The following TYW1B variants were observed in gnomAD, a reference collection of about 807,000 sequenced individuals.
TYW1B encodes the protein tRNA-yW synthesizing protein 1 homolog B.
A neutral mutation model predicts 86.9 loss-of-function variants in TYW1B; 73 were observed. The ratio of observed to expected loss-of-function variants is 0.84; its 90% CI spans 0.70 to 1.02. The LOEUF is 1.02. TYW1B is among the 50% of genes least tolerant of loss of function. The probability of loss-of-function intolerance (pLI) is 0.00; values close to 1 mark genes in which losing one functional copy is unlikely to be tolerated. For missense variants in TYW1B, 637 were observed against 827.4 expected (o/e 0.77, Z 2.82); for synonymous variants, 248 against 292.8 (o/e 0.85, Z 1.56).
intron 11 of TYW1B, among the ~76,000 whole-genome samples, chr7:72,639,865 C>CAAAA (rs34283765): frequency 9.1e-6 from 1 of 109,298 alleles, no homozygotes. Flanking sequence ...GACTCCATCT[C>CAAAA]AAAAAAAAAA....
At chr7:72,637,673 C>T (rs1812703643) in intron 11 of TYW1B, among the ~76,000 whole-genome samples, 1 of 147,476 alleles carries the variant, frequency 6.8e-6, no homozygotes, top group Non-Finnish European at 1.5e-5. Context: ...TATGTTTAAT[C>T]TACTGCTCTT....
In TYW1B at chr7:72,722,818, G is replaced by C. The variant is rs1786928736; in HGVS notation, c.1192+6004C>G. ...GACGGCAGGCGTTCTTTGTCATGGG[G>C]TGGGAACTCACACTAGAAAGCAAAG... On this transcript the variant is annotated intron_variant, in intron 9 of 13. Transcript: ENST00000620995. The C allele has an allele frequency of 8.1e-6, 4 of 491,484 alleles. No homozygotes were observed. The East Asian group carries it at 1.2e-4, about 15-fold the overall frequency. The allele number at this position is 491,484 out of a possible 1,614,324, so 30.4% of individuals were successfully genotyped here. A position where few individuals can be genotyped will look rare whatever the true frequency, so the allele number is the denominator to read the frequency against.
chr7:72,632,367 GCA>G (rs1491142533), intron 11 of TYW1B, among the ~76,000 whole-genome samples: 32 of 60,472 alleles, frequency 5.3e-4, no homozygotes, highest in African/African-American at 2.7e-3. Context: ...ATATATATAC[GCA>G]TATATATTAT....
chr7:72,720,836 C>A (rs575397496), intron 9 of TYW1B, among the ~76,000 whole-genome samples: 1 of 152,070 alleles, frequency 6.6e-6, no homozygotes, highest in Non-Finnish European at 1.5e-5. Flanking sequence ...GCCATGTTGG[C>A]GTGCTGCACC....
At chr7:72,752,916 A>G (rs1449753863) in intron 7 of TYW1B, among the ~76,000 whole-genome samples, 1 of 152,162 alleles carries the variant, frequency 6.6e-6, no homozygotes, top group East Asian at 1.9e-4. Context: ...GATGATCAAA[A>G]CAGAAAATAA....
At chr7:72,818,391 G>T (rs563906311) in intron 2 of TYW1B, among the ~76,000 whole-genome samples, 2 of 151,696 alleles carry the variant, frequency 1.3e-5, no homozygotes, top group African/African-American at 4.8e-5. Context: ...AGACCAGCCT[G>T]GGCATGGTGA....
intron 9 of TYW1B, among the ~76,000 whole-genome samples, chr7:72,717,340 T>G (rs1786809895): frequency 6.6e-6 from 1 of 151,874 alleles, no homozygotes; most frequent in African/African-American, 2.4e-5. Flanking sequence ...ATACAGCATT[T>G]TCACTTAGTA....
chr7:72,604,427 A>G (rs1811748067), intron 13 of TYW1B, among the ~76,000 whole-genome samples: 1 of 152,066 alleles, frequency 6.6e-6, no homozygotes, highest in African/African-American at 2.4e-5. Flanking sequence ...ACGCCACTGC[A>G]CTCCAATCTG....
intron 10 of TYW1B, among the ~76,000 whole-genome samples, chr7:72,709,405 A>C (rs1468851867): frequency 4.6e-5 from 7 of 152,204 alleles, no homozygotes; most frequent in Non-Finnish European, 7.3e-5. Flanking sequence ...GTGGTGGCTC[A>C]CGCCTGTAAT....
At position 72,826,591 on chromosome 7, in the gene TYW1B, T is replaced by C. The variant is rs540475462; in HGVS notation, c.135+264A>G. The stretch of plus-strand genomic sequence containing the variant: ...CTGACCCTTAAAGGTATAAAACAAA[T>C]TTGTTTTTCATATAAAAGGTTCACT... On this transcript the variant is annotated intron_variant, in intron 2 of 13. Transcript: ENST00000620995. 2.0e-5 allele frequency among the ~76,000 whole-genome samples: 3 copies of C among 152,262 alleles called. No individual in the cohort carries two copies. The South Asian group carries it at 6.2e-4, about 31-fold the overall frequency.
At chr7:72,802,736 T>G (rs1788425355) in intron 5 of TYW1B, among the ~76,000 whole-genome samples, 1 of 152,098 alleles carries the variant, frequency 6.6e-6, no homozygotes, top group African/African-American at 2.4e-5. Context: ...TTCTCCTGCC[T>G]CAGCCTCCCA....
intron 4 of TYW1B, among the ~76,000 whole-genome samples, chr7:72,809,298 C>T (rs1412015602): frequency 6.6e-6 from 1 of 152,122 alleles, no homozygotes; most frequent in Non-Finnish European, 1.5e-5. Flanking sequence ...CTGCCTCGGC[C>T]TCCCAAAGTG....
Position 72,746,307 on chromosome 7 carries a change from G to A in TYW1B, c.965-1706C>T, listed in dbSNP as rs542592850. 3.9e-5 allele frequency among the ~76,000 whole-genome samples: 6 copies of A among 152,118 alleles called. No homozygotes were observed. The East Asian group carries it at 9.7e-4, about 25-fold the overall frequency. ...AAAAAGGAGTGAAGGGAAAACCTGT[G>A]CCTACAAACCTCTTCCAAGTTCCTA... On this transcript the variant is annotated intron_variant, in intron 7 of 13. Coordinates refer to ENST00000620995, the MANE Select transcript of TYW1B (RefSeq NM_001145440.3).
intron 12 of TYW1B, among the ~76,000 whole-genome samples, chr7:72,622,722 CACAT>C (rs782080717): frequency 5.3e-5 from 8 of 151,710 alleles, no homozygotes; most frequent in Non-Finnish European, 8.8e-5. Context: ...ACACACAACA[CACAT>C]ACATGCACAC....
intron 11 of TYW1B, among the ~76,000 whole-genome samples, chr7:72,685,380 G>GA (rs1813985754): frequency 6.6e-6 from 1 of 152,230 alleles, no homozygotes; most frequent in African/African-American, 2.4e-5. Flanking sequence ...CCAACAAATA[G>GA]AAAACATTAA....
chr7:72,778,494 G>A (rs1291335387), intron 6 of TYW1B, among the ~76,000 whole-genome samples: 3 of 152,042 alleles, frequency 2.0e-5, no homozygotes, highest in Non-Finnish European at 2.9e-5. Context: ...TTGTCGCCCA[G>A]GCCAGAGTGC....
chr7:72,690,438 G>GA (rs1468083525), intron 11 of TYW1B, among the ~76,000 whole-genome samples: 2 of 152,168 alleles, frequency 1.3e-5, no homozygotes, highest in African/African-American at 2.4e-5. Context: ...TCCTCATATT[G>GA]AAAAGGAACA....
Position 72,749,910 on chromosome 7 carries a change from T to TG in TYW1B, c.965-5310_965-5309insC, listed in dbSNP as rs1237138433. Among the ~76,000 whole-genome samples the TG allele has an allele frequency of 4.8e-3, 459 of 95,578 alleles. 5 individuals carry two copies. Among genetic ancestry groups the TG allele is most frequent in the African/African-American group, 0.015 (428 of 28,286 alleles). 62.7% of individuals were successfully genotyped at this position (95,578 alleles called of 152,430 possible). A position where few individuals can be genotyped will look rare whatever the true frequency, so the allele number is the denominator to read the frequency against. Reference sequence around the variant, plus strand: ...TTCATTAATTCTATGTTGGTTTTTTTTGTTTTTTTTTTTTTTTTGAGACAA... The same window carrying TG: ...TTCATTAATTCTATGTTGGTTTTTTTGTGTTTTTTTTTTTTTTTTGAGACAA... On this transcript the variant is annotated intron_variant, in intron 7 of 13. Transcript: ENST00000620995.
intron 11 of TYW1B, among the ~76,000 whole-genome samples, chr7:72,684,887 G>A (rs530229339): frequency 1.3e-5 from 2 of 152,192 alleles, no homozygotes; most frequent in East Asian, 3.9e-4. Flanking sequence ...GAGGAAGGCG[G>A]ATCACTTGAG....
Sources: gnomAD v4.1 joint callset for allele counts (sites outside exome capture counted in the v4.1 genomes callset) on GRCh38, gnomAD v4.1.1 for gene constraint, MANE v1.5 for transcripts, NCBI Gene and HGNC (gene_info 2026-07-23, HGNC 2026-07-21) for gene names.